The following SENP7 variants were observed in gnomAD, a reference collection of about 807,000 sequenced individuals.
SENP7 encodes the protein SUMO specific peptidase 7, also known as sentrin-specific protease 7.
In SENP7, 64 loss-of-function variants were observed where a neutral mutation model predicts 141.2. The observed-to-expected ratio is 0.45, with a 90% confidence interval of 0.37 to 0.56. The LOEUF (loss-of-function observed/expected upper bound fraction) is 0.56. Among genes scored for constraint, SENP7 ranks in the 20% least tolerant of loss-of-function variants. The pLI is 0.00. For synonymous variants in SENP7, 382 were observed against 426.4 expected (o/e 0.90, Z 1.28); for missense variants, 1,025 against 1,212.2 (o/e 0.85, Z 2.29).
At chr3:101,454,515 GA>G (rs1268719219) in intron 4 of SENP7, among the ~76,000 whole-genome samples, 1 of 150,968 alleles carries the variant, frequency 6.6e-6, no homozygotes, top group Non-Finnish European at 1.5e-5. Context: ...CATCTCAAAA[GA>G]AAAAAAGAAA....
At chr3:101,372,511 T>C (rs1358548150) in intron 6 of SENP7, among the ~76,000 whole-genome samples, 1 of 152,140 alleles carries the variant, frequency 6.6e-6, no homozygotes, top group Non-Finnish European at 1.5e-5. Context: ...TGAATGTTAA[T>C]ATATTTCAAG....
Position 101,326,077 on chromosome 3 carries a change from G to T in SENP7, c.3019C>A (p.Pro1007Thr). ...LQYVESFFKD[P>T]IVNFELPIHL... ...ATTGGAAGTTCAAAGTTAACAATAG[G>T]ATCCTAATGAGAGGAAAAAAAGAGT... is the stretch of plus-strand genomic sequence containing the variant. Residue 1007 changes from proline to threonine, a missense_variant, in exon 24 of 24, where the codon CCT (proline) becomes ACT (threonine). Pro to Thr is a conservative substitution (Grantham distance 38, BLOSUM62 -1). Coordinates refer to ENST00000394095, the MANE Select transcript of SENP7 (RefSeq NM_020654.5). 6.3e-7 allele frequency: 1 copy of T among 1,584,404 alleles called. No individual in the cohort carries two copies. Among genetic ancestry groups the T allele is most frequent in the South Asian group, 1.2e-5 (1 of 86,018 alleles).
chr3:101,380,361 GTATAT>G lies in SENP7; in HGVS notation c.678-8240_678-8236del, dbSNP rs532694702. Among the ~76,000 whole-genome samples, 14 of 149,554 alleles carry G rather than the reference GTATAT, an allele frequency of 9.4e-5. No homozygotes were observed. In the South Asian group the frequency reaches 3.1e-3, roughly 33 times the overall value. On this transcript the variant is annotated intron_variant, in intron 6 of 23. Coordinates refer to ENST00000394095, the MANE Select transcript of SENP7 (RefSeq NM_020654.5). ...CTTTGGACTTTGATAGGTCTATCAAGTATATTATAATTTATAGAAAACTATTTAAA... is the reference window on the plus strand; with the variant it reads ...CTTTGGACTTTGATAGGTCTATCAAGTATAATTTATAGAAAACTATTTAAA...
At chr3:101,451,727 C>G (rs1466514341) in intron 4 of SENP7, among the ~76,000 whole-genome samples, 1 of 152,128 alleles carries the variant, frequency 6.6e-6, no homozygotes, top group African/African-American at 2.4e-5. Flanking sequence ...ATAATAAGAG[C>G]TATCTATGAC....
intron 1 of SENP7, among the ~76,000 whole-genome samples, chr3:101,505,422 G>A (rs9849685): frequency 0.4 from 60,405 of 152,056 alleles, 12,515 homozygotes; most frequent in Admixed American, 0.54. Context: ...TCCCAAAAAT[G>A]TCTCACTGGG....
At chr3:101,328,800 G>C in intron 20 of SENP7, 111 bp from the exon 21 acceptor site, 1 of 770,798 alleles carries the variant, frequency 1.3e-6, no homozygotes, top group Non-Finnish European at 2.1e-6. Context: ...TCAAGTAATA[G>C]TTATCTTCAT....
chr3:101,493,360 C>A (rs923706267), intron 3 of SENP7, among the ~76,000 whole-genome samples: 14 of 152,238 alleles, frequency 9.2e-5, no homozygotes, highest in South Asian at 2.1e-4. Context: ...ACCTATGGAA[C>A]AAACCTGCAC....
At chr3:101,481,633 GAAGT>G (rs1292908472) in intron 3 of SENP7, among the ~76,000 whole-genome samples, 1 of 152,124 alleles carries the variant, frequency 6.6e-6, no homozygotes, top group Non-Finnish European at 1.5e-5. Context: ...AAAGTAACTA[GAAGT>G]AAGAACTTGA....
intron 17 of SENP7, among the ~76,000 whole-genome samples, chr3:101,335,146 T>G (rs1369558878): frequency 6.6e-6 from 1 of 152,204 alleles, no homozygotes; most frequent in African/African-American, 2.4e-5. Flanking sequence ...GATAAGTTGT[T>G]TCAGGCAGAA....
At chr3:101,460,827 T>G (rs2063521656) in intron 3 of SENP7, among the ~76,000 whole-genome samples, 1 of 152,120 alleles carries the variant, frequency 6.6e-6, no homozygotes, top group South Asian at 2.1e-4. Flanking sequence ...TCAACCACAA[T>G]GGCTCACACC....
intron 6 of SENP7, among the ~76,000 whole-genome samples, chr3:101,381,305 G>C (rs187682874): frequency 9.2e-5 from 14 of 152,176 alleles, no homozygotes; most frequent in Admixed American, 7.8e-4. Context: ...ACCTCAAAAA[G>C]TTTCCACATT....
At chr3:101,343,041 G>T (rs1255070505) in intron 14 of SENP7, among the ~76,000 whole-genome samples, 1 of 152,088 alleles carries the variant, frequency 6.6e-6, no homozygotes, top group Non-Finnish European at 1.5e-5. Flanking sequence ...TAATTATATT[G>T]AGATTACATA....
chr3:101,372,563 G>T (rs1244683465), intron 6 of SENP7, among the ~76,000 whole-genome samples: 1 of 152,050 alleles, frequency 6.6e-6, no homozygotes, highest in Non-Finnish European at 1.5e-5. Flanking sequence ...ATTTTCAGTA[G>T]TATGTGGTAA....
At chr3:101,448,498 C>A (rs1400905076) in intron 4 of SENP7, among the ~76,000 whole-genome samples, 1 of 152,216 alleles carries the variant, frequency 6.6e-6, no homozygotes, top group Non-Finnish European at 1.5e-5. Context: ...TGAGTATCAG[C>A]AGCAGAGGCT....
At chr3:101,346,188 G>C (rs1471736252) in intron 13 of SENP7, among the ~76,000 whole-genome samples, 1 of 152,122 alleles carries the variant, frequency 6.6e-6, no homozygotes, top group Non-Finnish European at 1.5e-5. Flanking sequence ...CTAATAATCA[G>C]AGAAATGAAA....
intron 11 of SENP7, among the ~76,000 whole-genome samples, chr3:101,359,570 C>A (rs1291196098): frequency 6.6e-6 from 1 of 151,660 alleles, no homozygotes; most frequent in African/African-American, 2.4e-5. Flanking sequence ...ATTTGCAGTT[C>A]CCTACTGTTT....
chr3:101,327,273 A>G (rs2058927589), intron 23 of SENP7, among the ~76,000 whole-genome samples: 1 of 152,034 alleles, frequency 6.6e-6, no homozygotes, highest in South Asian at 2.1e-4. Flanking sequence ...CTTGAATTGT[A>G]GTTCCTATAA....
chr3:101,436,823 T>C (rs1234513600), intron 4 of SENP7, among the ~76,000 whole-genome samples: 1 of 152,196 alleles, frequency 6.6e-6, no homozygotes, highest in Admixed American at 6.5e-5. Context: ...TTACACACTT[T>C]AGGTGGGAAT....
chr3:101,419,687 T>C (rs2061730310), intron 4 of SENP7, among the ~76,000 whole-genome samples: 1 of 152,140 alleles, frequency 6.6e-6, no homozygotes. Context: ...ATAGGAAAGA[T>C]TTGTGTAAGT....
Sources: gnomAD v4.1 joint callset for allele counts (sites outside exome capture counted in the v4.1 genomes callset) on GRCh38, gnomAD v4.1.1 for gene constraint, MANE v1.5 for transcripts, NCBI Gene and HGNC (gene_info 2026-07-23, HGNC 2026-07-21) for gene names.